Variants in CCDC102B observed in about 807,000 individuals in gnomAD.
CCDC102B encodes the protein coiled-coil domain containing 102B, also known as coiled-coil domain-containing protein 102B.
In CCDC102B, 75 loss-of-function variants were observed where a neutral mutation model predicts 57.4. The observed-to-expected ratio is 1.31, with a 90% CI of 1.08 to 1.58. CCDC102B has a LOEUF of 1.58. Among genes scored for constraint, CCDC102B ranks in the 40% most tolerant of loss-of-function variants. CCDC102B has a pLI of 0.00. For missense variants in CCDC102B, 636 were observed against 582.6 expected, an observed-to-expected ratio of 1.09 and a Z score of -0.94; for synonymous variants, 206 against 201.9, an observed-to-expected ratio of 1.02 and a Z score of -0.17.
At chr18:68,765,384 A>AAG (rs1446362209) in intron 2 of CCDC102B, among the ~76,000 whole-genome samples, 5 of 150,080 alleles carry the variant, frequency 3.3e-5, no homozygotes, top group African/African-American at 1.2e-4. Context: ...AAAGAAAAGA[A>AAG]AGAAAGAAAA....
chr18:68,770,265 A>C (rs532769312), intron 2 of CCDC102B, among the ~76,000 whole-genome samples: 10 of 152,312 alleles, frequency 6.6e-5, no homozygotes, highest in Non-Finnish European at 1.3e-4. Context: ...GATGCAATAC[A>C]AGAAAAACAA....
chr18:68,775,812 C>T (rs2034794346), intron 2 of CCDC102B, among the ~76,000 whole-genome samples: 1 of 151,976 alleles, frequency 6.6e-6, no homozygotes, highest in Admixed American at 6.5e-5. Flanking sequence ...CGCCACCACG[C>T]CCAGCTAATT....
At chr18:68,751,339 C>T (rs997177570) in intron 2 of CCDC102B, among the ~76,000 whole-genome samples, 1 of 152,012 alleles carries the variant, frequency 6.6e-6, no homozygotes, top group African/African-American at 2.4e-5. Context: ...ACATTCATGG[C>T]CAGCAGCACC....
chr18:68,954,120 G>A (rs1305260592), intron 6 of CCDC102B, among the ~76,000 whole-genome samples: 1 of 151,888 alleles, frequency 6.6e-6, no homozygotes, highest in Non-Finnish European at 1.5e-5. Context: ...CAATTATCCT[G>A]TGTTAAAGAA....
chr18:68,988,332 G>A (rs962655811), intron 6 of CCDC102B, among the ~76,000 whole-genome samples: 1 of 152,096 alleles, frequency 6.6e-6, no homozygotes, highest in Non-Finnish European at 1.5e-5. Context: ...TTATAAGTGG[G>A]AGATAAACTT....
upstream of CCDC102B, among the ~76,000 whole-genome samples, chr18:68,797,526 C>T (rs771019577): frequency 8.6e-5 from 13 of 152,038 alleles, no homozygotes; most frequent in Non-Finnish European, 1.8e-4. Context: ...AGAGCTTTCA[C>T]TGGGCACCCC....
chr18:68,797,757 CT>C (rs11409982), upstream of CCDC102B, among the ~76,000 whole-genome samples: 2,417 of 128,002 alleles, frequency 0.019, 45 homozygotes, highest in African/African-American at 0.053. Flanking sequence ...ACTTCCTGGG[CT>C]TTTTTTTTTT....
intron 6 of CCDC102B, among the ~76,000 whole-genome samples, chr18:68,924,134 C>G (rs1019362803): frequency 1.3e-5 from 2 of 150,618 alleles, no homozygotes; most frequent in Admixed American, 6.6e-5. Flanking sequence ...CTTCTTCCCC[C>G]CCAAAACTTA....
rs1360354141 is a variant in CCDC102B, at chr18:68,913,545, C to T, written c.1263+16117C>T. On this transcript the variant is annotated intron_variant, in intron 6 of 7. Coordinates refer to ENST00000360242, the MANE Select transcript of CCDC102B (RefSeq NM_024781.3). ...GCCTGTACGGCTGTAATCCCAGCTA[C>T]CTGGGAGGCTGAGGCAGGAAAATCA... is the stretch of plus-strand genomic sequence containing the variant. Among the ~76,000 whole-genome samples the T allele has an allele frequency of 2.0e-5, 3 of 151,916 alleles. No individual in the cohort carries two copies. The East Asian group carries it at 5.8e-4, about 29-fold the overall frequency.
intron 1 of CCDC102B, among the ~76,000 whole-genome samples, chr18:68,832,705 A>G (rs1379791810): frequency 6.6e-6 from 1 of 152,102 alleles, no homozygotes; most frequent in Non-Finnish European, 1.5e-5. Flanking sequence ...GAATTCTCAG[A>G]TCACGGGTTT....
intron 2 of CCDC102B, among the ~76,000 whole-genome samples, chr18:68,757,272 T>G (rs992063249): frequency 3.3e-5 from 5 of 152,232 alleles, no homozygotes; most frequent in Non-Finnish European, 7.3e-5. Context: ...TTAGTGAGAT[T>G]GTAGTTTCTA....
At chr18:68,808,731 G>A (rs1040726089) in intron 1 of CCDC102B, among the ~76,000 whole-genome samples, 2 of 151,962 alleles carry the variant, frequency 1.3e-5, no homozygotes, top group Non-Finnish European at 2.9e-5. Context: ...GCCCACCTTG[G>A]CCTCCCAAAG....
intron 4 of CCDC102B, among the ~76,000 whole-genome samples, chr18:68,861,731 C>T (rs1168199164): frequency 6.6e-6 from 1 of 152,176 alleles, no homozygotes; most frequent in Non-Finnish European, 1.5e-5. Context: ...GGTCACCACC[C>T]TACCGAATAC....
Position 68,768,455 on chromosome 18 carries a change from CA to C in CCDC102B, c.-67+51862del, listed in dbSNP as rs372557139. Among the ~76,000 whole-genome samples, 459 of 152,206 alleles carry C rather than the reference CA, an allele frequency of 3.0e-3. 3 individuals carry two copies. Among genetic ancestry groups the C allele is most frequent in the African/African-American group, 0.011 (440 of 41,532 alleles). ...CATGACATTATTCTTTGTCTTCTTCCAGGGGTCTGAAGCTGAGTGCCTTATT... is the reference window on the plus strand; with the variant it reads ...CATGACATTATTCTTTGTCTTCTTCCGGGGTCTGAAGCTGAGTGCCTTATT... On this transcript the variant is annotated intron_variant, in intron 2 of 3. Coordinates refer to the CCDC102B transcript ENST00000578970.
intron 1 of CCDC102B, among the ~76,000 whole-genome samples, chr18:68,834,371 C>G (rs976157357): frequency 6.8e-6 from 1 of 147,464 alleles, no homozygotes; most frequent in Non-Finnish European, 1.5e-5. Context: ...GAATTTCAAC[C>G]AAAAGAAATA....
chr18:69,056,080 GATT>G (rs573675062), downstream of CCDC102B, among the ~76,000 whole-genome samples: 85 of 152,186 alleles, frequency 5.6e-4, 1 homozygote, highest in African/African-American at 2.0e-3. Flanking sequence ...ATGTAATGGA[GATT>G]ATTATTATCC....
intron 5 of CCDC102B, among the ~76,000 whole-genome samples, chr18:68,881,986 AT>A (rs2039709042): frequency 6.6e-6 from 1 of 152,240 alleles, no homozygotes; most frequent in Admixed American, 6.5e-5. Context: ...AAAAGGAGTT[AT>A]AATACATCTT....
intron 7 of CCDC102B, among the ~76,000 whole-genome samples, chr18:69,038,584 C>T (rs1022772046): frequency 6.6e-6 from 1 of 151,770 alleles, no homozygotes; most frequent in Non-Finnish European, 1.5e-5. Context: ...TGTAAAGCAC[C>T]CATAAGGGAT....
chr18:68,860,475 C>CAAAAAA (rs1169097862), intron 4 of CCDC102B, among the ~76,000 whole-genome samples: 34 of 52,968 alleles, frequency 6.4e-4, no homozygotes, highest in African/African-American at 1.4e-3. Flanking sequence ...AAAACAAAAA[C>CAAAAAA]AAAAAAAAAA....
Sources: allele counts gnomAD v4.1 joint callset (sites outside exome capture counted in the v4.1 genomes callset), GRCh38; gene constraint gnomAD v4.1.1; transcripts MANE v1.5; gene names NCBI Gene and HGNC (gene_info 2026-07-23, HGNC 2026-07-21).